TAF4B: variants seen among roughly 807,000 people sequenced by gnomAD.
The protein encoded by TAF4B is transcription initiation factor TFIID subunit 4B.
Under a neutral mutation model 86.4 loss-of-function variants are expected in TAF4B, and 38 were observed. That is an observed-to-expected ratio of 0.44 (90% CI 0.34 to 0.58). The LOEUF (loss-of-function observed/expected upper bound fraction) is 0.58, where lower values mean the gene tolerates loss of function less well. Among genes scored for constraint, TAF4B ranks in the 20% least tolerant of loss-of-function variants. The pLI is 0.02. For synonymous variants in TAF4B, 388 were observed against 391.2 expected, an observed-to-expected ratio of 0.99 and a Z score of 0.10; for missense variants, 988 against 1,027.6, an observed-to-expected ratio of 0.96 and a Z score of 0.53.
chr18:26,377,762 T>C (rs2057452596), intron 14 of TAF4B, among the ~76,000 whole-genome samples: 1 of 152,218 alleles, frequency 6.6e-6, no homozygotes, highest in African/African-American at 2.4e-5. Flanking sequence ...ATTACTCCTC[T>C]CAGTAGTTTG....
chr18:26,255,043 AC>A (rs887179415), intron 1 of TAF4B, among the ~76,000 whole-genome samples: 3 of 152,136 alleles, frequency 2.0e-5, no homozygotes, highest in Non-Finnish European at 4.4e-5. Flanking sequence ...ATGAGGGAAA[AC>A]AAGAGTAGCC....
At chr18:26,359,066 C>T (rs934517113) in intron 14 of TAF4B, among the ~76,000 whole-genome samples, 1 of 152,132 alleles carries the variant, frequency 6.6e-6, no homozygotes, top group Non-Finnish European at 1.5e-5. Context: ...TATATGTGGG[C>T]ACATATATGA....
At chr18:26,320,530 GACT>G (rs2056953084) in intron 10 of TAF4B, among the ~76,000 whole-genome samples, 1 of 152,108 alleles carries the variant, frequency 6.6e-6, no homozygotes, top group South Asian at 2.1e-4. Flanking sequence ...CTTGTAAATT[GACT>G]ACTAAGTGAA....
At chr18:26,257,356 A>G (rs1270621605) in intron 1 of TAF4B, among the ~76,000 whole-genome samples, 2 of 152,188 alleles carry the variant, frequency 1.3e-5, no homozygotes, top group African/African-American at 2.4e-5. Context: ...CTATTTTGAT[A>G]TTAGTATGGC....
chr18:26,340,084 T>C (rs1598811304), intron 13 of TAF4B, among the ~76,000 whole-genome samples: 1 of 152,298 alleles, frequency 6.6e-6, no homozygotes, highest in South Asian at 2.1e-4. Context: ...ACTAAATGAT[T>C]AAAATGTAGA....
chr18:26,347,913 T>C (rs1176061218), intron 13 of TAF4B, among the ~76,000 whole-genome samples: 2 of 152,208 alleles, frequency 1.3e-5, no homozygotes, highest in African/African-American at 4.8e-5. Context: ...CACTCAGATA[T>C]ATAAAGTAAA....
chr18:26,346,865 A>ATATG (rs2057197886), intron 13 of TAF4B, among the ~76,000 whole-genome samples: 1 of 8,390 alleles, frequency 1.2e-4, no homozygotes, highest in African/African-American at 3.6e-4. Context: ...ATATGTGTAT[A>ATATG]TATATATATG....
At chr18:26,270,777 T>C (rs1179415021) in intron 3 of TAF4B, among the ~76,000 whole-genome samples, 1 of 152,218 alleles carries the variant, frequency 6.6e-6, no homozygotes, top group Non-Finnish European at 1.5e-5. Flanking sequence ...TTTACTAAGC[T>C]TAAACTAAAA....
intron 14 of TAF4B, among the ~76,000 whole-genome samples, chr18:26,367,812 G>A (rs1335065386): frequency 6.6e-6 from 1 of 152,182 alleles, no homozygotes; most frequent in Non-Finnish European, 1.5e-5. Context: ...TTACAGGATT[G>A]ATTTCTAGAA....
chr18:26,364,529 CACTTT>C (rs2057356456), intron 14 of TAF4B, among the ~76,000 whole-genome samples: 1 of 152,070 alleles, frequency 6.6e-6, no homozygotes, highest in Admixed American at 6.5e-5. Flanking sequence ...AAACATTAAT[CACTTT>C]ACTTCCTGTG....
chr18:26,374,451 T>C (rs575510521), intron 14 of TAF4B, among the ~76,000 whole-genome samples: 1 of 152,328 alleles, frequency 6.6e-6, no homozygotes, highest in African/African-American at 2.4e-5. Context: ...TACCTGTCTC[T>C]TTCTGCCTTT....
At chr18:26,292,796 G>A (rs2056609586) in intron 8 of TAF4B, among the ~76,000 whole-genome samples, 1 of 152,084 alleles carries the variant, frequency 6.6e-6, no homozygotes, top group Non-Finnish European at 1.5e-5. Flanking sequence ...CAAAGTGCTG[G>A]GATTACAGGT....
At chr18:26,280,116 G>A (rs779711009) in intron 5 of TAF4B, among the ~76,000 whole-genome samples, 23 of 151,838 alleles carry the variant, frequency 1.5e-4, no homozygotes, top group South Asian at 4.2e-4. Context: ...ATCTATGTGC[G>A]GAAGAATGAA....
chr18:26,364,955 T>C (rs1324689913), intron 14 of TAF4B, among the ~76,000 whole-genome samples: 1 of 151,574 alleles, frequency 6.6e-6, no homozygotes, highest in Non-Finnish European at 1.5e-5. Flanking sequence ...TTAGTATATG[T>C]CCTCTCCTTC....
In TAF4B at chr18:26,244,875, TG is replaced by T. The variant is rs1024317880; in HGVS notation, c.343+17602del. On this transcript the variant is annotated intron_variant, in intron 1 of 14. Transcript: ENST00000269142. ...CAAGTTTCAGGATAGATAGGATAGA[TG>T]GGTGAGTCTCGCTTGGGCGACATAA... Among the ~76,000 whole-genome samples, 272 of 152,294 alleles carry T rather than the reference TG, an allele frequency of 1.8e-3. 1 individual carries two copies. Among genetic ancestry groups the T allele is most frequent in the African/African-American group, 6.1e-3 (254 of 41,566 alleles).
intron 1 of TAF4B, among the ~76,000 whole-genome samples, chr18:26,244,418 A>G (rs1280192603): frequency 6.6e-6 from 1 of 152,218 alleles, no homozygotes; most frequent in Admixed American, 6.5e-5. Context: ...TGCTAAGACC[A>G]TTGGAAAAGT....
At chr18:26,364,795 T>A (rs2057359178) in intron 14 of TAF4B, among the ~76,000 whole-genome samples, 1 of 152,162 alleles carries the variant, frequency 6.6e-6, no homozygotes, top group African/African-American at 2.4e-5. Context: ...TAAATGAAGC[T>A]TCCTAAGATC....
At chr18:26,254,109 G>T (rs112437359) in intron 1 of TAF4B, among the ~76,000 whole-genome samples, 10,050 of 151,568 alleles carry the variant, frequency 0.066, 626 homozygotes, top group African/African-American at 0.15. Flanking sequence ...TGTATTTTTA[G>T]GGGAGACGGG....
At chr18:26,341,483 T>C (rs2057135202) in intron 13 of TAF4B, among the ~76,000 whole-genome samples, 2 of 152,192 alleles carry the variant, frequency 1.3e-5, no homozygotes, top group African/African-American at 4.8e-5. Flanking sequence ...AGCACATTTA[T>C]ATTTTACACA....
Sources: allele counts gnomAD v4.1 joint callset (sites outside exome capture counted in the v4.1 genomes callset), GRCh38; gene constraint gnomAD v4.1.1; transcripts MANE v1.5; gene names NCBI Gene and HGNC (gene_info 2026-07-23, HGNC 2026-07-21).